NUDCD1: variants seen among roughly 807,000 people sequenced by gnomAD.
NUDCD1 encodes the protein nudC domain-containing protein 1.
Under a neutral mutation model 67.8 loss-of-function variants are expected in NUDCD1, and 60 were observed. The observed-to-expected ratio is 0.88, with a 90% confidence interval of 0.72 to 1.10. The LOEUF (loss-of-function observed/expected upper bound fraction) is 1.10. Ranked by LOEUF, NUDCD1 falls within the 50% of genes least tolerant of loss-of-function variation. NUDCD1 has a pLI of 0.00. For synonymous variants in NUDCD1, 244 were observed against 230.8 expected, an observed-to-expected ratio of 1.06 and a Z score of -0.52; for missense variants, 643 against 695.0, an observed-to-expected ratio of 0.93 and a Z score of 0.84.
chr8:109,260,170 C>T (rs750943667), intron 8 of NUDCD1, among the ~76,000 whole-genome samples: 4 of 152,144 alleles, frequency 2.6e-5, no homozygotes, highest in Non-Finnish European at 5.9e-5. Context: ...ACAATTATGA[C>T]CCAAAATCAA....
At chr8:109,296,875 T>C (rs1343364203) in intron 2 of NUDCD1, among the ~76,000 whole-genome samples, 1 of 152,224 alleles carries the variant, frequency 6.6e-6, no homozygotes, top group Non-Finnish European at 1.5e-5. Flanking sequence ...GGTAGCCCCA[T>C]GGACAGACCC....
intron 5 of NUDCD1, among the ~76,000 whole-genome samples, chr8:109,287,638 G>C (rs1814606353): frequency 6.6e-6 from 1 of 152,160 alleles, no homozygotes; most frequent in East Asian, 1.9e-4. Context: ...GGGACTACTA[G>C]AGGGGGTAGA....
chr8:109,326,184 G>A (rs1815678561), intron 1 of NUDCD1, among the ~76,000 whole-genome samples: 2 of 152,162 alleles, frequency 1.3e-5, no homozygotes, highest in Admixed American at 1.3e-4. Context: ...TTAGACATCA[G>A]TCTTATTACA....
intron 1 of NUDCD1, among the ~76,000 whole-genome samples, chr8:109,330,547 T>C (rs1223281328): frequency 2.0e-5 from 3 of 152,240 alleles, no homozygotes; most frequent in Non-Finnish European, 4.4e-5. Flanking sequence ...AAACTCATCA[T>C]GTGAACTATT....
chr8:109,250,567 G>A (rs145600904), intron 8 of NUDCD1, among the ~76,000 whole-genome samples: 5 of 152,174 alleles, frequency 3.3e-5, no homozygotes, highest in African/African-American at 1.2e-4. Context: ...CCTGTTCCCA[G>A]TTGTAGCAGA....
chr8:109,263,786 T>C (rs1431129582), intron 8 of NUDCD1, among the ~76,000 whole-genome samples: 1 of 152,120 alleles, frequency 6.6e-6, no homozygotes, highest in African/African-American at 2.4e-5. Flanking sequence ...ATAGTAATAC[T>C]AGGATGTAAA....
chr8:109,333,864 G>T, intron 1 of NUDCD1, 29 bp downstream of exon 1: 1 of 1,612,244 alleles, frequency 6.2e-7, no homozygotes, highest in Non-Finnish European at 8.5e-7. Context: ...GGAAAGGAAC[G>T]GAGTACGAAG....
At chr8:109,290,712 T>A (rs1586282780) in intron 4 of NUDCD1, among the ~76,000 whole-genome samples, 1 of 152,276 alleles carries the variant, frequency 6.6e-6, no homozygotes, top group South Asian at 2.1e-4. Context: ...TTTTTTGCTT[T>A]AAAAAGTACT....
intron 2 of NUDCD1, among the ~76,000 whole-genome samples, chr8:109,313,568 T>C (rs1815310783): frequency 6.6e-6 from 1 of 152,176 alleles, no homozygotes; most frequent in Non-Finnish European, 1.5e-5. Context: ...ACTGAGCAAC[T>C]TGTGTGTGAT....
At position 109,313,855 on chromosome 8, in the gene NUDCD1, A is replaced by C. The variant is rs971121304; in HGVS notation, c.273+8454T>G. The stretch of plus-strand genomic sequence containing the variant: ...AATTATCAATCAGATAAATGGGTAC[A>C]ATATCCAATAGAATGATTAAGATAC... On this transcript the variant is annotated intron_variant, in intron 2 of 9. Coordinates refer to ENST00000239690, the MANE Select transcript of NUDCD1 (RefSeq NM_032869.4). 2.8e-6 allele frequency: 3 copies of C among 1,076,306 alleles called. No individual in the cohort carries two copies. In the African/African-American group the frequency reaches 4.9e-5, roughly 17 times the overall value. 66.7% of individuals were successfully genotyped at this position (1,076,306 alleles called of 1,614,324 possible). A position where few individuals can be genotyped will look rare whatever the true frequency, so the allele number is the denominator to read the frequency against.
chr8:109,300,035 C>T (rs913348890), intron 2 of NUDCD1, among the ~76,000 whole-genome samples: 6 of 152,090 alleles, frequency 3.9e-5, no homozygotes, highest in Non-Finnish European at 8.8e-5. Flanking sequence ...CAGGAGGACA[C>T]ATCCATAGGA....
At chr8:109,273,818 T>C (rs928512256) in intron 7 of NUDCD1, among the ~76,000 whole-genome samples, 2 of 152,038 alleles carry the variant, frequency 1.3e-5, no homozygotes, top group Non-Finnish European at 2.9e-5. Flanking sequence ...TTTTACAAGG[T>C]TATTATCCCA....
At chr8:109,327,373 C>A (rs905778834) in intron 1 of NUDCD1, among the ~76,000 whole-genome samples, 1 of 152,134 alleles carries the variant, frequency 6.6e-6, no homozygotes, top group African/African-American at 2.4e-5. Flanking sequence ...ACAATGGTTA[C>A]GTGGCTTTTC....
intron 5 of NUDCD1, among the ~76,000 whole-genome samples, chr8:109,287,884 G>A (rs1479811107): frequency 6.6e-6 from 1 of 152,104 alleles, no homozygotes; most frequent in Non-Finnish European, 1.5e-5. Flanking sequence ...ATACATTGTT[G>A]AATGTATACA....
chr8:109,311,128 C>T (rs548260821), intron 2 of NUDCD1, among the ~76,000 whole-genome samples: 1 of 152,088 alleles, frequency 6.6e-6, no homozygotes, highest in East Asian at 1.9e-4. Flanking sequence ...ATAGACAATT[C>T]TTAAAAGAAG....
At chr8:109,310,286 A>G (rs946792967) in intron 2 of NUDCD1, among the ~76,000 whole-genome samples, 10 of 151,732 alleles carry the variant, frequency 6.6e-5, no homozygotes, top group East Asian at 5.8e-4. Flanking sequence ...AGACCAATGG[A>G]AAAAAAAAGA....
rs2129837934 is a variant in NUDCD1, at chr8:109,241,845, T to G, written c.*1164A>C. ...TTAAATGAAGGTCTTAACTTCCTTA[T>G]TAAAATATAAAATCCAACTTGAGGT... On this transcript the variant is annotated 3_prime_UTR_variant, in exon 10 of 10. Coordinates refer to ENST00000239690, the MANE Select transcript of NUDCD1 (RefSeq NM_032869.4). 1 of 372,760 alleles carries G rather than the reference T, an allele frequency of 2.7e-6. No individual in the cohort carries two copies. The highest frequency in any genetic ancestry group is 3.9e-5 in the East Asian group (1 of 25,974). 23.1% of individuals were successfully genotyped at this position (372,760 alleles called of 1,614,324 possible). A position where few individuals can be genotyped will look rare whatever the true frequency, so the allele number is the denominator to read the frequency against.
intron 8 of NUDCD1, among the ~76,000 whole-genome samples, chr8:109,256,127 G>A (rs76713726): frequency 0.021 from 3,150 of 152,268 alleles, 110 homozygotes; most frequent in African/African-American, 0.072. Flanking sequence ...TGGGAAGACT[G>A]CTTGATCCTG....
chr8:109,273,552 A>G (rs780208136), intron 7 of NUDCD1, among the ~76,000 whole-genome samples: 4 of 152,176 alleles, frequency 2.6e-5, no homozygotes, highest in Non-Finnish European at 5.9e-5. Context: ...GAAGAACATA[A>G]TAAATTTAAC....
Sources: gnomAD v4.1 joint callset for allele counts (sites outside exome capture counted in the v4.1 genomes callset) on GRCh38, gnomAD v4.1.1 for gene constraint, MANE v1.5 for transcripts, NCBI Gene and HGNC (gene_info 2026-07-23, HGNC 2026-07-21) for gene names.